CDH4: variants seen among roughly 807,000 people sequenced by gnomAD.
The protein encoded by CDH4 is cadherin 4.
CDH4 carries 33 observed loss-of-function variants against 86.0 expected under a neutral mutation model. The observed-to-expected ratio is 0.38, with a 90% CI of 0.29 to 0.51. The LOEUF (loss-of-function observed/expected upper bound fraction) is 0.51. CDH4 is among the 20% of genes least tolerant of loss of function. The pLI is 0.86. For missense variants in CDH4, 1,114 were observed against 1,307.4 expected (o/e 0.85, Z 2.28); for synonymous variants, 555 against 549.4 (o/e 1.01, Z -0.14).
At chr20:61,664,856 A>G (rs1352371013) in intron 2 of CDH4, among the ~76,000 whole-genome samples, 2 of 152,194 alleles carry the variant, frequency 1.3e-5, no homozygotes, top group African/African-American at 4.8e-5. Context: ...GGTGTCCACA[A>G]TTTAGACCAA....
intron 2 of CDH4, among the ~76,000 whole-genome samples, chr20:61,264,123 C>T (rs1029038449): frequency 6.6e-5 from 10 of 152,154 alleles, no homozygotes; most frequent in African/African-American, 2.2e-4. Flanking sequence ...TCTGGGGAGT[C>T]GTGATTCTGC....
At chr20:61,647,660 C>T (rs2087079723) in intron 2 of CDH4, among the ~76,000 whole-genome samples, 1 of 151,300 alleles carries the variant, frequency 6.6e-6, no homozygotes, top group African/African-American at 2.4e-5. Context: ...GGCTGATCCC[C>T]ATCTGGGAGG....
In CDH4 at chr20:61,582,099, C is replaced by T. The variant is rs1038669769; in HGVS notation, c.170-161464C>T. ...GTGATCCACTCCCTGTTTTACTTTGCTCGTGGCCATCATTACCATTGGCGG... is the reference window on the plus strand; with the variant it reads ...GTGATCCACTCCCTGTTTTACTTTGTTCGTGGCCATCATTACCATTGGCGG... On this transcript the variant is annotated intron_variant, in intron 2 of 15. Transcript: ENST00000614565. The surrounding 1 kb of genome is among the most constrained non-coding windows in gnomAD (Gnocchi z 4.2). Among the ~76,000 whole-genome samples, 1 of 152,200 alleles carries T rather than the reference C, an allele frequency of 6.6e-6. No individual in the cohort carries two copies. The highest frequency in any genetic ancestry group is 2.4e-5 in the African/African-American group (1 of 41,458).
At chr20:61,675,338 G>C (rs2427225) in intron 2 of CDH4, among the ~76,000 whole-genome samples, 5,593 of 24,546 alleles carry the variant, frequency 0.23, 702 homozygotes, top group Admixed American at 0.25. Context: ...GCCAAGCACT[G>C]CCGTGGAAAC....
chr20:61,809,695 A>T (rs907227009), intron 4 of CDH4, among the ~76,000 whole-genome samples: 23 of 152,170 alleles, frequency 1.5e-4, no homozygotes, highest in African/African-American at 5.1e-4. Context: ...TAATGCCAGG[A>T]GGGGTTCCGG....
chr20:61,911,188 G>C (rs962028711), intron 9 of CDH4, among the ~76,000 whole-genome samples: 6 of 152,158 alleles, frequency 3.9e-5, no homozygotes, highest in Non-Finnish European at 8.8e-5. Flanking sequence ...TGTAGATTTT[G>C]TCTTTTTGGT....
At chr20:61,359,577 C>G (rs1041375546) in intron 2 of CDH4, among the ~76,000 whole-genome samples, 2 of 152,248 alleles carry the variant, frequency 1.3e-5, no homozygotes, top group African/African-American at 4.8e-5. Flanking sequence ...GAAGCAGGTG[C>G]TCCGTGTCCC....
chr20:61,438,368 A>G (rs2085296808), intron 2 of CDH4, among the ~76,000 whole-genome samples: 1 of 152,230 alleles, frequency 6.6e-6, no homozygotes, highest in Non-Finnish European at 1.5e-5. Context: ...TTTTTTCTAA[A>G]GAAGCTGGGG....
intron 2 of CDH4, among the ~76,000 whole-genome samples, chr20:61,484,916 A>G (rs772746111): frequency 1.3e-5 from 2 of 152,316 alleles, no homozygotes; most frequent in South Asian, 2.1e-4. Flanking sequence ...AGCAGATTCA[A>G]TATGTTCAGA....
chr20:61,588,164 GTTA>G (rs775633320), intron 2 of CDH4, among the ~76,000 whole-genome samples: 2 of 152,174 alleles, frequency 1.3e-5, no homozygotes, highest in South Asian at 2.1e-4. Flanking sequence ...AATGTTACCT[GTTA>G]TTATTATTAA....
At chr20:61,482,568 C>G (rs1205335447) in intron 2 of CDH4, among the ~76,000 whole-genome samples, 1 of 152,162 alleles carries the variant, frequency 6.6e-6, no homozygotes. Context: ...GGTAGGTTTC[C>G]TGGCTGGGAC....
At position 61,522,688 on chromosome 20, in the gene CDH4, C is replaced by T. The variant is rs552244613; in HGVS notation, c.170-220875C>T. On this transcript the variant is annotated intron_variant, in intron 2 of 15. Coordinates refer to ENST00000614565, the MANE Select transcript of CDH4 (RefSeq NM_001794.5). ...GCAGTCCGGGTGGGAGCCAGCGCTG[C>T]CCTTGTTCACCCGGCTGCGGGCTGT... Among the ~76,000 whole-genome samples the T allele has an allele frequency of 1.4e-3, 209 of 152,362 alleles. 1 individual carries two copies. The highest frequency in any genetic ancestry group is 4.7e-3 in the African/African-American group (197 of 41,598).
chr20:61,877,641 G>A (rs1416836050), intron 7 of CDH4, among the ~76,000 whole-genome samples: 1 of 152,146 alleles, frequency 6.6e-6, no homozygotes, highest in East Asian at 1.9e-4. Context: ...CTCTTCCAGG[G>A]CTCGTCGGGA....
intron 8 of CDH4, among the ~76,000 whole-genome samples, chr20:61,901,291 T>C (rs2054723982): frequency 6.6e-6 from 1 of 151,876 alleles, no homozygotes; most frequent in Non-Finnish European, 1.5e-5. Context: ...GAGCCACAGA[T>C]CCGACAATTC....
chr20:61,365,312 T>C (rs189095846), intron 2 of CDH4, among the ~76,000 whole-genome samples: 1 of 152,346 alleles, frequency 6.6e-6, no homozygotes, highest in Admixed American at 6.5e-5. Context: ...AGATGTCTTC[T>C]TCGTGGGGCT....
rs1980644671 is a variant in CDH4 at position 61,815,082 on chromosome 20, T to C, written c.577-29586T>C. Among the ~76,000 whole-genome samples the C allele has an allele frequency of 2.0e-5, 3 of 152,150 alleles. No individual in the cohort carries two copies. In the South Asian group the frequency reaches 6.2e-4, roughly 32 times the overall value. Reference sequence around the variant, plus strand: ...ATCATTGAATAGGATGCTAGGAAATTCTGCACCCTGAGTTAACTTGGGTTC... The same window carrying C: ...ATCATTGAATAGGATGCTAGGAAATCCTGCACCCTGAGTTAACTTGGGTTC... On this transcript the variant is annotated intron_variant, in intron 4 of 15. Coordinates refer to ENST00000614565, the MANE Select transcript of CDH4 (RefSeq NM_001794.5).
At chr20:61,935,672 G>C (rs1355817002) in intron 15 of CDH4, among the ~76,000 whole-genome samples, 1 of 152,204 alleles carries the variant, frequency 6.6e-6, no homozygotes, top group African/African-American at 2.4e-5. Flanking sequence ...GATCACCTGA[G>C]GTCAGGAGTT....
intron 2 of CDH4, among the ~76,000 whole-genome samples, chr20:61,512,642 C>A (rs1430911786): frequency 1.3e-5 from 2 of 152,218 alleles, no homozygotes; most frequent in Non-Finnish European, 2.9e-5. Context: ...AACACCGGCA[C>A]CCAAAGAGTC....
intron 2 of CDH4, among the ~76,000 whole-genome samples, chr20:61,506,010 G>A (rs1050692320): frequency 3.3e-5 from 5 of 152,252 alleles, no homozygotes; most frequent in African/African-American, 1.2e-4. Context: ...TTAGACAAAT[G>A]CAGTTCACAC....
Sources: allele counts gnomAD v4.1 joint callset (sites outside exome capture counted in the v4.1 genomes callset), GRCh38; gene constraint gnomAD v4.1.1; non-coding constraint Gnocchi (gnomAD v3.1); transcripts MANE v1.5; gene names NCBI Gene and HGNC (gene_info 2026-07-23, HGNC 2026-07-21).